The following ARIH1 variants were observed in gnomAD, a reference collection of about 807,000 sequenced individuals.
ARIH1 encodes the protein E3 ubiquitin-protein ligase ARIH1.
ARIH1 carries 8 observed loss-of-function variants against 85.0 expected under a neutral mutation model. The observed-to-expected ratio is 0.09, with a 90% CI of 0.06 to 0.17. The LOEUF is 0.17. Ranked by LOEUF, ARIH1 falls within the 10% of genes least tolerant of loss-of-function variation. ARIH1 has a pLI of 1.00. For synonymous variants in ARIH1, 238 were observed against 253.6 expected (o/e 0.94, Z 0.59); for missense variants, 311 against 718.1 (o/e 0.43, Z 6.48).
intron 10 of ARIH1, among the ~76,000 whole-genome samples, chr15:72,570,851 A>G (rs984510516): frequency 6.6e-6 from 1 of 152,174 alleles, no homozygotes; most frequent in African/African-American, 2.4e-5. Context: ...ATCTTGGGCC[A>G]GGCACGGTGG....
chr15:72,479,908 C>G (rs2063808727), intron 1 of ARIH1, among the ~76,000 whole-genome samples: 2 of 151,312 alleles, frequency 1.3e-5, no homozygotes, highest in African/African-American at 4.9e-5. Flanking sequence ...CGCTTTGTTG[C>G]CCAGGCTGGA....
intron 1 of ARIH1, among the ~76,000 whole-genome samples, chr15:72,516,427 TA>T (rs35327365): frequency 0.89 from 135,830 of 152,090 alleles, 62,621 homozygotes; most frequent in East Asian, 1. Context: ...TGAGTTCTTT[TA>T]AAAAAAAAGT....
rs2064384784 is a variant in ARIH1 at position 72,602,335 on chromosome 15, A to G, written c.*19043A>G. The G allele has an allele frequency of 6.6e-6, 1 of 152,260 alleles. No individual in the cohort carries two copies. Among genetic ancestry groups the G allele is most frequent in the African/African-American group, 2.4e-5 (1 of 41,476 alleles). 9.4% of individuals were successfully genotyped at this position (152,260 alleles called of 1,614,324 possible). A position where few individuals can be genotyped will look rare whatever the true frequency, so the allele number is the denominator to read the frequency against. Reference sequence around the variant, plus strand: ...GTCAGTGAAATTTTTGTTCTTTGCCAATGCAAGAAATGGAAAGTATCTCTT... The same window carrying G: ...GTCAGTGAAATTTTTGTTCTTTGCCGATGCAAGAAATGGAAAGTATCTCTT... On this transcript the variant is annotated 3_prime_UTR_variant, in exon 14 of 14. Coordinates refer to ENST00000379887, the MANE Select transcript of ARIH1 (RefSeq NM_005744.5).
At chr15:72,529,481 T>C (rs1285783372) in intron 2 of ARIH1, among the ~76,000 whole-genome samples, 3 of 152,178 alleles carry the variant, frequency 2.0e-5, no homozygotes, top group Non-Finnish European at 4.4e-5. Context: ...CCTCCTCTCT[T>C]GGCCTGAGCC....
chr15:72,531,917 A>G (rs1023738630), intron 2 of ARIH1, among the ~76,000 whole-genome samples: 19 of 152,284 alleles, frequency 1.2e-4, no homozygotes, highest in Middle Eastern at 3.4e-3. Flanking sequence ...AATACTCATA[A>G]TTGTTATTTA....
intron 1 of ARIH1, among the ~76,000 whole-genome samples, chr15:72,504,914 A>C (rs1197638191): frequency 6.6e-6 from 1 of 152,222 alleles, no homozygotes; most frequent in East Asian, 1.9e-4. Context: ...ACTCTAAATA[A>C]AGAGCTCTCA....
At position 72,577,812 on chromosome 15, in the gene ARIH1, C is replaced by T. The variant is rs534302713; in HGVS notation, c.1216-2919C>T. Among the ~76,000 whole-genome samples, 12 of 152,278 alleles carry T rather than the reference C, an allele frequency of 7.9e-5. 1 individual carries two copies. The South Asian group carries it at 2.5e-3, about 32-fold the overall frequency. On this transcript the variant is annotated intron_variant, in intron 11 of 13. Coordinates refer to ENST00000379887, the MANE Select transcript of ARIH1 (RefSeq NM_005744.5). ...GAGGTAGAGGAAGTCGAATGGGATT[C>T]AGGAGATGCAGGCACACTTGGTGTA...
At chr15:72,552,311 C>A (rs1029631254) in intron 3 of ARIH1, among the ~76,000 whole-genome samples, 1 of 152,124 alleles carries the variant, frequency 6.6e-6, no homozygotes, top group Non-Finnish European at 1.5e-5. Context: ...TTTTTTAAGA[C>A]GGAGTCTTGC....
chr15:72,477,465 A>G (rs2063799183), intron 1 of ARIH1, among the ~76,000 whole-genome samples: 1 of 152,212 alleles, frequency 6.6e-6, no homozygotes, highest in Non-Finnish European at 1.5e-5. Context: ...AAATCAGGTA[A>G]GATACATTTG....
intron 2 of ARIH1, among the ~76,000 whole-genome samples, chr15:72,535,076 C>T (rs532014179): frequency 4.1e-5 from 6 of 147,556 alleles, no homozygotes; most frequent in African/African-American, 1.5e-4. Flanking sequence ...CTCAGCCTCC[C>T]GAGTAGCTGG....
rs1306544224 is a variant in ARIH1 at position 72,474,442 on chromosome 15, C to T, written c.-198C>T. ...AGCAAGCGGCCCCCTCGCTCCCTCC[C>T]TCCCTCCTCCGCGCCCTCCCCGCCG... On this transcript the variant is annotated 5_prime_UTR_variant, in exon 1 of 14. Transcript: ENST00000379887. 8.8e-6 allele frequency: 6 copies of T among 682,882 alleles called. No individual in the cohort carries two copies. In the Admixed American group the frequency reaches 9.3e-5, roughly 11 times the overall value. The allele number at this position is 682,882 out of a possible 1,614,324, so 42.3% of individuals were successfully genotyped here.
At chr15:72,553,588 G>T (rs1312130675) in intron 3 of ARIH1, among the ~76,000 whole-genome samples, 1 of 151,668 alleles carries the variant, frequency 6.6e-6, no homozygotes, top group Non-Finnish European at 1.5e-5. Context: ...TGTTTTCTTT[G>T]TCAATGGATA....
At chr15:72,488,899 C>T (rs1157790358) in intron 1 of ARIH1, among the ~76,000 whole-genome samples, 2 of 152,132 alleles carry the variant, frequency 1.3e-5, no homozygotes, top group East Asian at 1.9e-4. Context: ...TTATTATTTG[C>T]GTATAGTTCC....
At chr15:72,475,299 C>G (rs185438564) in intron 1 of ARIH1, 33 of 484,546 alleles carry the variant, frequency 6.8e-5, no homozygotes, top group Non-Finnish European at 1.1e-4. Flanking sequence ...TTCTGCCAGT[C>G]CCTGGGCCGG....
chr15:72,570,456 C>A, intron 10 of ARIH1, 149 bp downstream of exon 10: 1 of 982,158 alleles, frequency 1.0e-6, no homozygotes. Context: ...CTATGCAAGA[C>A]ATAGAGGGAT....
At chr15:72,555,077 A>G (rs1306750764) in intron 3 of ARIH1, among the ~76,000 whole-genome samples, 194 bp from the exon 4 acceptor site, 3 of 152,154 alleles carry the variant, frequency 2.0e-5, no homozygotes, top group African/African-American at 7.2e-5. Context: ...CGCCTTTCCT[A>G]AGATGTATGT....
intron 1 of ARIH1, among the ~76,000 whole-genome samples, chr15:72,508,800 TCTC>T (rs1290506560): frequency 6.6e-6 from 1 of 151,620 alleles, no homozygotes; most frequent in Non-Finnish European, 1.5e-5. Flanking sequence ...TTCAAGCAAT[TCTC>T]CTGTCTCAGA....
chr15:72,555,898 A>G lies in ARIH1; in HGVS notation c.728A>G (p.Asn243Ser), dbSNP rs2064172624. Residue 243 changes from asparagine to serine, a missense_variant, in exon 5 of 14, where the codon AAC becomes AGC. Coordinates refer to ENST00000379887, the MANE Select transcript of ARIH1 (RefSeq NM_005744.5). The part of the protein sequence containing the change: ...AHGCDILVDD[N>S]TVMRLITDSK... ...GGTTGTGATATCTTAGTGGATGACA[A>G]CACAGTTATGTAAGTATTTTTGATA... The G allele has an allele frequency of 1.2e-6, 2 of 1,612,390 alleles. No homozygotes were observed. The highest frequency in any genetic ancestry group is 1.1e-5 in the South Asian group (1 of 90,992).
chr15:72,535,867 G>A (rs2064079739), intron 2 of ARIH1, among the ~76,000 whole-genome samples: 2 of 152,058 alleles, frequency 1.3e-5, no homozygotes, highest in Admixed American at 1.3e-4. Flanking sequence ...AAAAATAATG[G>A]TTCTTGTCGT....
Sources: gnomAD v4.1 joint callset for allele counts (sites outside exome capture counted in the v4.1 genomes callset) on GRCh38, gnomAD v4.1.1 for gene constraint, MANE v1.5 for transcripts, NCBI Gene and HGNC (gene_info 2026-07-23, HGNC 2026-07-21) for gene names.